Variants in ITSN1 observed in about 807,000 individuals in gnomAD.
ITSN1 encodes intersectin 1.
In ITSN1, 58 loss-of-function variants were observed where a neutral mutation model predicts 239.8. The observed-to-expected ratio is 0.24, with a 90% CI of 0.20 to 0.30. The LOEUF (loss-of-function observed/expected upper bound fraction) is 0.30. ITSN1 is among the 10% of genes least tolerant of loss of function. The probability of loss-of-function intolerance (pLI) is 1.00; values close to 1 mark genes in which losing one functional copy is unlikely to be tolerated. For missense variants in ITSN1, 1,558 were observed against 2,103.3 expected, an observed-to-expected ratio of 0.74 and a Z score of 5.07; for synonymous variants, 780 against 770.8, an observed-to-expected ratio of 1.01 and a Z score of -0.20.
intron 7 of ITSN1, among the ~76,000 whole-genome samples, chr21:33,755,093 A>T (rs1002334076): frequency 9.2e-5 from 14 of 152,188 alleles, no homozygotes; most frequent in African/African-American, 2.4e-5. Flanking sequence ...AAAAATAATT[A>T]TCTATTTGAG....
chr21:33,653,886 G>A (rs1266821810), intron 1 of ITSN1, among the ~76,000 whole-genome samples: 2 of 151,896 alleles, frequency 1.3e-5, no homozygotes, highest in South Asian at 2.1e-4. Context: ...GAACTGCTGG[G>A]TTCCAGCAGT....
intron 1 of ITSN1, among the ~76,000 whole-genome samples, chr21:33,686,237 G>T (rs2091228439): frequency 6.6e-6 from 1 of 151,932 alleles, no homozygotes; most frequent in African/African-American, 2.4e-5. Flanking sequence ...ACTGTGATTA[G>T]ATTTTTTTTT....
chr21:33,673,180 G>T (rs2090399346), intron 1 of ITSN1, among the ~76,000 whole-genome samples: 1 of 152,170 alleles, frequency 6.6e-6, no homozygotes, highest in Admixed American at 6.5e-5. Context: ...AATATTGCAA[G>T]ATCTCACTTA....
chr21:33,680,498 ATTTTTGTGTT>A (rs2090884336), intron 1 of ITSN1, among the ~76,000 whole-genome samples: 2 of 151,790 alleles, frequency 1.3e-5, no homozygotes, highest in Non-Finnish European at 2.9e-5. Context: ...CACCCGGCTA[ATTTTTGTGTT>A]TTTATAGAGA....
chr21:33,675,408 A>T (rs2090532983), intron 1 of ITSN1, among the ~76,000 whole-genome samples: 2 of 152,038 alleles, frequency 1.3e-5, no homozygotes, highest in Non-Finnish European at 2.9e-5. Flanking sequence ...TTAAAAAAAA[A>T]TACAAAAAAT....
At chr21:33,884,102 A>G (rs970479298) in intron 36 of ITSN1, among the ~76,000 whole-genome samples, 1 of 151,766 alleles carries the variant, frequency 6.6e-6, no homozygotes, top group Non-Finnish European at 1.5e-5. Context: ...GGTTCTTGCC[A>G]TGTTGCCCAG....
At chr21:33,799,518 A>G (rs2071814383) in intron 18 of ITSN1, among the ~76,000 whole-genome samples, 1 of 152,156 alleles carries the variant, frequency 6.6e-6, no homozygotes, top group African/African-American at 2.4e-5. Context: ...GAGCCCAAGG[A>G]AAGAGGCAGA....
intron 1 of ITSN1, among the ~76,000 whole-genome samples, chr21:33,666,915 C>T (rs1053997646): frequency 6.6e-6 from 1 of 152,186 alleles, no homozygotes; most frequent in Non-Finnish European, 1.5e-5. Context: ...ATCCTCCTGC[C>T]TCTCAGCCTC....
intron 20 of ITSN1, among the ~76,000 whole-genome samples, chr21:33,805,469 A>G (rs2072341796): frequency 6.6e-6 from 1 of 152,148 alleles, no homozygotes; most frequent in South Asian, 2.1e-4. Flanking sequence ...ATATCACTGC[A>G]GTTTTGAGGG....
rs539576341 is a variant in ITSN1, at chr21:33,777,481, A to G, written c.1596+2373A>G. Among the ~76,000 whole-genome samples, 180 of 152,334 alleles carry G rather than the reference A, an allele frequency of 1.2e-3. 1 individual carries two copies. Among genetic ancestry groups the G allele is most frequent in the African/African-American group, 4.1e-3 (169 of 41,572 alleles). ...TAGAATCAGCTTATCAGTTTTTACA[A>G]AAATGCTTGGAATTTTGTTGGAATT... On this transcript the variant is annotated intron_variant, in intron 14 of 39. Coordinates refer to ENST00000381318, the MANE Select transcript of ITSN1 (RefSeq NM_003024.3).
intron 14 of ITSN1, among the ~76,000 whole-genome samples, chr21:33,778,823 C>T (rs941984713): frequency 1.4e-4 from 20 of 141,008 alleles, no homozygotes; most frequent in African/African-American, 5.8e-4. Flanking sequence ...CGTGATCCGC[C>T]CGCCTCGGCC....
intron 34 of ITSN1, among the ~76,000 whole-genome samples, chr21:33,880,243 G>T (rs995168095): frequency 3.3e-5 from 5 of 152,210 alleles, no homozygotes; most frequent in Admixed American, 1.3e-4. Context: ...AGATAGAGAA[G>T]TTTAAATACT....
At chr21:33,870,229 T>C (rs1242225924) in intron 33 of ITSN1, among the ~76,000 whole-genome samples, 2 of 152,242 alleles carry the variant, frequency 1.3e-5, no homozygotes, top group African/African-American at 4.8e-5. Context: ...ACACCACAGT[T>C]ACTATTTAAT....
intron 16 of ITSN1, among the ~76,000 whole-genome samples, chr21:33,788,182 C>T (rs1389934107): frequency 6.6e-6 from 1 of 152,086 alleles, no homozygotes; most frequent in Non-Finnish European, 1.5e-5. Context: ...GGTAATGCTT[C>T]CCAAGGGTAC....
intron 1 of ITSN1, among the ~76,000 whole-genome samples, chr21:33,696,286 T>G (rs572277064): frequency 6.6e-6 from 1 of 152,336 alleles, no homozygotes; most frequent in South Asian, 2.1e-4. Context: ...TTTATCAATA[T>G]GTACCTGTGC....
chr21:33,786,572 A>G (rs1016563001), intron 16 of ITSN1, among the ~76,000 whole-genome samples: 1 of 152,236 alleles, frequency 6.6e-6, no homozygotes, highest in Non-Finnish European at 1.5e-5. Context: ...TTACTGTAGC[A>G]GTTTTCCTTG....
At chr21:33,842,522 G>GTA (rs938370342) in intron 29 of ITSN1, among the ~76,000 whole-genome samples, 1 of 148,572 alleles carries the variant, frequency 6.7e-6, no homozygotes, top group African/African-American at 2.4e-5. Flanking sequence ...GTGTGTGTGT[G>GTA]TGTGTGTGAC....
intron 1 of ITSN1, among the ~76,000 whole-genome samples, chr21:33,653,238 GC>G (rs2088710828): frequency 1.3e-5 from 2 of 152,086 alleles, no homozygotes; most frequent in Admixed American, 1.3e-4. Flanking sequence ...CAGATGATCT[GC>G]CCTCCTCAGC....
At chr21:33,757,994 A>G (rs770105510) in intron 8 of ITSN1, among the ~76,000 whole-genome samples, 24 of 152,148 alleles carry the variant, frequency 1.6e-4, no homozygotes, top group Admixed American at 3.9e-4. Flanking sequence ...CTCTCACCTT[A>G]GCCTCCTGAG....
Sources: gnomAD v4.1 joint callset for allele counts (sites outside exome capture counted in the v4.1 genomes callset) on GRCh38, gnomAD v4.1.1 for gene constraint, MANE v1.5 for transcripts, NCBI Gene and HGNC (gene_info 2026-07-23, HGNC 2026-07-21) for gene names.